RBFOX1: variants seen among roughly 807,000 people sequenced by gnomAD.
RBFOX1 encodes the protein RNA binding protein fox-1 homolog 1.
A neutral mutation model predicts 57.7 loss-of-function variants in RBFOX1; 8 were observed. The ratio of observed to expected loss-of-function variants is 0.14; its 90% CI spans 0.08 to 0.25. The LOEUF (loss-of-function observed/expected upper bound fraction) is 0.25. RBFOX1 is among the 10% of genes least tolerant of loss of function. RBFOX1 has a pLI of 1.00. For synonymous variants in RBFOX1, 326 were observed against 222.4 expected, an observed-to-expected ratio of 1.47 and a Z score of -4.15; for missense variants, 611 against 548.5, an observed-to-expected ratio of 1.11 and a Z score of -1.14.
chr16:6,504,640 G>A lies in RBFOX1; in HGVS notation c.-63-149963G>A, dbSNP rs190701267. Among the ~76,000 whole-genome samples, 8 of 152,260 alleles carry A rather than the reference G, an allele frequency of 5.3e-5. No individual in the cohort carries two copies. The East Asian group carries it at 1.5e-3, about 29-fold the overall frequency. ...AGATGGGCAAGTGTGAGGGGTAGTA[G>A]GTATGACCTGTCCCACTGCCATGTT... On this transcript the variant is annotated intron_variant, in intron 2 of 15. Transcript: ENST00000550418.
intron 4 of RBFOX1, among the ~76,000 whole-genome samples, chr16:7,078,403 A>G (rs1020759332): frequency 2.0e-5 from 3 of 152,190 alleles, no homozygotes; most frequent in African/African-American, 7.2e-5. Context: ...TCTGGAGTGC[A>G]GTGGCACGAT....
intron 4 of RBFOX1, among the ~76,000 whole-genome samples, chr16:5,882,366 A>G (rs2057784610): frequency 1.3e-5 from 2 of 152,194 alleles, no homozygotes. Context: ...TGAGCAATTT[A>G]CAGGAAAGAT....
intron 1 of RBFOX1, among the ~76,000 whole-genome samples, chr16:5,454,935 C>CT (rs1567535623): frequency 3.5e-4 from 14 of 40,174 alleles, no homozygotes; most frequent in African/African-American, 1.3e-3. Flanking sequence ...TTCTTCCTTC[C>CT]TTCCTTCCTT....
At chr16:5,648,890 C>G (rs1596581724) in intron 3 of RBFOX1, among the ~76,000 whole-genome samples, 1 of 151,900 alleles carries the variant, frequency 6.6e-6, no homozygotes, top group African/African-American at 2.4e-5. Context: ...ATGGTGAAAC[C>G]CCATGTCTAC....
chr16:6,981,391 G>T (rs943299384), intron 3 of RBFOX1, among the ~76,000 whole-genome samples: 3 of 151,990 alleles, frequency 2.0e-5, no homozygotes, highest in Admixed American at 1.3e-4. Context: ...TAATGGCCTC[G>T]AGGTCCATCC....
rs74005079 is a variant in RBFOX1 at position 6,294,891 on chromosome 16, C to A, written c.-126-22104C>A. 5.9e-3 allele frequency among the ~76,000 whole-genome samples: 900 copies of A among 152,004 alleles called. 13 individuals carry two copies. The highest frequency in any genetic ancestry group is 0.021 in the African/African-American group (855 of 41,394). On this transcript the variant is annotated intron_variant, in intron 1 of 15. Transcript: ENST00000550418. ...ACCGTTCCCTATCATTTAAGGAGAC[C>A]AGCTGATAAAAAAAGATACATGTTT...
At chr16:6,755,000 C>T (rs565774875) in intron 3 of RBFOX1, among the ~76,000 whole-genome samples, 44 of 152,176 alleles carry the variant, frequency 2.9e-4, no homozygotes, top group African/African-American at 1.1e-3. Context: ...TGATGATTTC[C>T]AATTTCATCC....
intron 3 of RBFOX1, among the ~76,000 whole-genome samples, chr16:6,975,528 A>T (rs1176447871): frequency 6.6e-6 from 1 of 152,096 alleles, no homozygotes; most frequent in Non-Finnish European, 1.5e-5. Flanking sequence ...TGGCCTCCCA[A>T]AGTGCTGGGA....
At chr16:5,492,289 T>A (rs1211236410) in intron 2 of RBFOX1, among the ~76,000 whole-genome samples, 40 of 152,220 alleles carry the variant, frequency 2.6e-4, no homozygotes, top group Non-Finnish European at 5.9e-5. Context: ...CAATTCTAAA[T>A]AACCTTTTCA....
chr16:7,551,637 G>C (rs556006223), intron 5 of RBFOX1, among the ~76,000 whole-genome samples: 2 of 152,294 alleles, frequency 1.3e-5, no homozygotes, highest in Non-Finnish European at 2.9e-5. Context: ...GGAATACTGT[G>C]ACCTGGAGGA....
chr16:6,941,341 T>TCCTTCCTC, intron 3 of RBFOX1, among the ~76,000 whole-genome samples: 1 of 142,836 alleles, frequency 7.0e-6, no homozygotes, highest in African/African-American at 2.6e-5. Flanking sequence ...CTTCCTTCCT[T>TCCTTCCTC]CCTTCCTTCC....
chr16:6,119,813 T>C (rs975111236), intron 1 of RBFOX1, among the ~76,000 whole-genome samples: 1 of 152,276 alleles, frequency 6.6e-6, no homozygotes, highest in African/African-American at 2.4e-5. Context: ...TTAACCTTTT[T>C]AGAGTGCACA....
chr16:6,265,069 C>G (rs1353409221), intron 1 of RBFOX1, among the ~76,000 whole-genome samples: 1 of 152,048 alleles, frequency 6.6e-6, no homozygotes. Context: ...GTACTTCATT[C>G]CATTTCCTTT....
intron 1 of RBFOX1, among the ~76,000 whole-genome samples, chr16:5,292,855 C>G (rs1458009899): frequency 6.6e-6 from 1 of 152,018 alleles, no homozygotes; most frequent in Admixed American, 6.5e-5. Flanking sequence ...GATCTCCTGA[C>G]CTCGTGGTCC....
rs1281185765 is a variant in RBFOX1 at position 7,713,221 on chromosome 16, A to C, written c.*2476A>C. Reference sequence around the variant, plus strand: ...TAACACACACATCACGCAATCTGCAAACCCAGAAAATGTGTATATCTGTCT... The same window carrying C: ...TAACACACACATCACGCAATCTGCACACCCAGAAAATGTGTATATCTGTCT... On this transcript the variant is annotated 3_prime_UTR_variant, in exon 16 of 16. Coordinates refer to ENST00000550418, the MANE Select transcript of RBFOX1 (RefSeq NM_018723.4). 1 of 152,250 alleles carries C rather than the reference A, an allele frequency of 6.6e-6. No homozygotes were observed. Among genetic ancestry groups the C allele is most frequent in the African/African-American group, 2.4e-5 (1 of 41,460 alleles). 9.4% of individuals were successfully genotyped at this position (152,250 alleles called of 1,614,324 possible). A position where few individuals can be genotyped will look rare whatever the true frequency, so the allele number is the denominator to read the frequency against.
chr16:6,183,012 G>A (rs1490600884), intron 1 of RBFOX1, among the ~76,000 whole-genome samples: 1 of 152,034 alleles, frequency 6.6e-6, no homozygotes, highest in African/African-American at 2.4e-5. Flanking sequence ...TTAATTCACT[G>A]ACAAATGTTT....
At chr16:7,091,819 A>G (rs1425496638) in intron 4 of RBFOX1, among the ~76,000 whole-genome samples, 1 of 152,232 alleles carries the variant, frequency 6.6e-6, no homozygotes, top group African/African-American at 2.4e-5. Context: ...AACTGAGTAT[A>G]GAGATGGCCT....
At chr16:6,577,339 T>C (rs930768976) in intron 2 of RBFOX1, 1 of 152,204 alleles carries the variant, frequency 6.6e-6, no homozygotes, top group Non-Finnish European at 1.5e-5. Flanking sequence ...AAGCAAAGGT[T>C]TAGATTTTGG....
rs35563303 is a variant in RBFOX1, at chr16:6,135,785, CTT to C, written c.-127+115819_-127+115820del. ...TTCCTGGAGATGGCACTCGTTTCGACTTTTTTTTTTTTTTTTTTTTTTTTTTT... is the reference window on the plus strand; with the variant it reads ...TTCCTGGAGATGGCACTCGTTTCGACTTTTTTTTTTTTTTTTTTTTTTTTT... On this transcript the variant is annotated intron_variant, in intron 1 of 15. Coordinates refer to ENST00000550418, the MANE Select transcript of RBFOX1 (RefSeq NM_018723.4). Among the ~76,000 whole-genome samples the C allele has an allele frequency of 2.7e-3, 226 of 84,968 alleles. 2 individuals are homozygous for C. Among genetic ancestry groups the C allele is most frequent in the African/African-American group, 0.011 (212 of 18,864 alleles). The allele number at this position is 84,968 out of a possible 152,430, so 55.7% of individuals were successfully genotyped here.
Sources: gnomAD v4.1 joint callset for allele counts (sites outside exome capture counted in the v4.1 genomes callset) on GRCh38, gnomAD v4.1.1 for gene constraint, MANE v1.5 for transcripts, NCBI Gene and HGNC (gene_info 2026-07-23, HGNC 2026-07-21) for gene names.